ZNF608: variants seen among roughly 807,000 people sequenced by gnomAD.
ZNF608 encodes the protein zinc finger protein 608.
A neutral mutation model predicts 109.0 loss-of-function variants in ZNF608; 12 were observed. The observed-to-expected ratio is 0.11, with a 90% CI of 0.07 to 0.18. The LOEUF (loss-of-function observed/expected upper bound fraction) is 0.18, where lower values mean the gene tolerates loss of function less well. ZNF608 is among the 10% of genes least tolerant of loss of function. ZNF608 has a pLI of 1.00. For missense variants in ZNF608, 1,707 were observed against 1,879.3 expected (o/e 0.91, Z 1.70); for synonymous variants, 732 against 717.4 (o/e 1.02, Z -0.33).
intron 3 of ZNF608, among the ~76,000 whole-genome samples, chr5:124,694,839 C>A (rs1028355844): frequency 6.6e-6 from 1 of 151,484 alleles, no homozygotes; most frequent in Non-Finnish European, 1.5e-5. Flanking sequence ...TCTGTCCTTG[C>A]GACAGTTTGC....
At chr5:124,659,343 T>A (rs1244767509) in intron 3 of ZNF608, among the ~76,000 whole-genome samples, 2 of 152,122 alleles carry the variant, frequency 1.3e-5, no homozygotes, top group African/African-American at 4.8e-5. Context: ...TAGAAGGGTG[T>A]AAAATGCTCT....
At chr5:124,694,240 G>A (rs977144962) in intron 3 of ZNF608, among the ~76,000 whole-genome samples, 11 of 137,454 alleles carry the variant, frequency 8.0e-5, no homozygotes, top group South Asian at 2.4e-4. Context: ...TGATCCGCCC[G>A]CCTCGGCCTC....
chr5:124,643,930 G>A (rs950177541), intron 6 of ZNF608, among the ~76,000 whole-genome samples: 2 of 152,118 alleles, frequency 1.3e-5, no homozygotes, highest in Admixed American at 6.5e-5. Context: ...TTACGTGTCC[G>A]CTTAAGTGAA....
In ZNF608 at chr5:124,646,858, T is replaced by G. The variant is rs1750531481; in HGVS notation, c.3526A>C (p.Lys1176Gln). The G allele has an allele frequency of 6.2e-7, 1 of 1,614,256 alleles. No homozygotes were observed. The change falls in exon 5 of 10, where the codon AAA (lysine) becomes CAA (glutamine). Residue 1176 changes from lysine to glutamine, a missense_variant. Coordinates refer to ENST00000513986, the MANE Select transcript of ZNF608 (RefSeq NM_020747.3). ...HSKLGPSVPNKTEETGKSQLL... is the reference protein window; with the variant it reads ...HSKLGPSVPNQTEETGKSQLL... ...TGCGATTTACCTGTCTCCTCAGTTT[T>G]ATTAGGCACTGATGGCCCTAGTTTA...
chr5:124,657,567 C>CG (rs911594251), intron 3 of ZNF608, among the ~76,000 whole-genome samples: 10 of 151,986 alleles, frequency 6.6e-5, no homozygotes, highest in African/African-American at 2.2e-4. Flanking sequence ...CCCAGCTACT[C>CG]GGGAGGCGGA....
chr5:124,715,272 A>C lies in ZNF608; in HGVS notation c.907-14003T>G, dbSNP rs112607297. On this transcript the variant is annotated intron_variant, in intron 2 of 9. Transcript: ENST00000513986. Reference sequence around the variant, plus strand: ...CAGCTCATTTACTCTTTAACACACAAAAAAAAATGATGCCACAAAGAAATG... The same window carrying C: ...CAGCTCATTTACTCTTTAACACACACAAAAAAATGATGCCACAAAGAAATG... Among the ~76,000 whole-genome samples, 1,058 of 152,076 alleles carry C rather than the reference A, an allele frequency of 7.0e-3. 5 individuals are homozygous for C. The highest frequency in any genetic ancestry group is 0.015 in the African/African-American group (630 of 41,522).
chr5:124,673,669 A>G (rs909926016), intron 3 of ZNF608, among the ~76,000 whole-genome samples: 1 of 152,176 alleles, frequency 6.6e-6, no homozygotes, highest in Admixed American at 6.6e-5. Context: ...CACAAACCAG[A>G]CAACAGCTCA....
At chr5:124,716,012 G>A (rs868445710) in intron 2 of ZNF608, among the ~76,000 whole-genome samples, 3 of 151,622 alleles carry the variant, frequency 2.0e-5, no homozygotes, top group African/African-American at 7.3e-5. Context: ...GCGTGGTGGC[G>A]GGCACCTGTA....
At chr5:124,743,756 C>T (rs992194405) in intron 2 of ZNF608, among the ~76,000 whole-genome samples, 4 of 152,114 alleles carry the variant, frequency 2.6e-5, no homozygotes, top group African/African-American at 9.7e-5. Context: ...ATTAAAAGCA[C>T]ACGGCAACCT....
upstream of ZNF608, among the ~76,000 whole-genome samples, chr5:124,747,619 C>A (rs1192169973): frequency 5.3e-5 from 8 of 149,664 alleles, no homozygotes; most frequent in South Asian, 1.7e-3. Context: ...CCTGCACACA[C>A]TCCCCCAACC....
At chr5:124,641,824 G>A (rs56981252) in intron 7 of ZNF608, among the ~76,000 whole-genome samples, 57 of 152,200 alleles carry the variant, frequency 3.7e-4, no homozygotes, top group African/African-American at 1.3e-3. Context: ...AGTTTTAAAC[G>A]TGTCTGTATA....
rs1284713351 is a variant in ZNF608 at position 124,646,890 on chromosome 5, T to C, written c.3494A>G (p.Asn1165Ser). 2 of 1,614,042 alleles carry C rather than the reference T, an allele frequency of 1.2e-6. No individual in the cohort carries two copies. Among genetic ancestry groups the C allele is most frequent in the African/African-American group, 2.7e-5 (2 of 74,920 alleles). ...KAPSTPEPNK[N>S]HSKLGPSVPN... Reference sequence around the variant, plus strand: ...CACTGATGGCCCTAGTTTAGAATGGTTTTTGTTAGGCTCCGGAGTAGAGGG... The same window carrying C: ...CACTGATGGCCCTAGTTTAGAATGGCTTTTGTTAGGCTCCGGAGTAGAGGG... Residue 1165 changes from asparagine to serine, a missense_variant, in exon 5 of 10, where the codon AAC becomes AGC. Around this residue, in one of 7 missense-constraint regions of ZNF608, gnomAD observed 1,073 missense variants for 1,133.5 expected, o/e 0.95. Transcript: ENST00000513986.
At chr5:124,652,137 G>A (rs1346548981) in intron 3 of ZNF608, among the ~76,000 whole-genome samples, 1 of 152,174 alleles carries the variant, frequency 6.6e-6, no homozygotes, top group Non-Finnish European at 1.5e-5. Flanking sequence ...GGTTATCTGG[G>A]GCCACAGGTT....
Position 124,647,317 on chromosome 5 carries a change from C to T in ZNF608, c.3067G>A (p.Gly1023Arg), listed in dbSNP as rs1487984472. ...TTGATCTTCATTCCCTGCGTGCTCCCACTATTTCCAGCTGCAGGGGCACCG... is the reference window on the plus strand; with the variant it reads ...TTGATCTTCATTCCCTGCGTGCTCCTACTATTTCCAGCTGCAGGGGCACCG... ...QVGAPAAGNS[G>R]STQGMKIKKE... The change falls in exon 5 of 10, where the codon GGG becomes AGG. Residue 1023 changes from glycine to arginine, a missense_variant. Gly to Arg is a moderately radical substitution (Grantham distance 125). Coordinates refer to ENST00000513986, the MANE Select transcript of ZNF608 (RefSeq NM_020747.3). The T allele has an allele frequency of 1.2e-6, 2 of 1,614,182 alleles. No individual in the cohort carries two copies. The highest frequency in any genetic ancestry group is 1.7e-6 in the Non-Finnish European group (2 of 1,180,038).
rs1750357550 is a variant in ZNF608, at chr5:124,643,698, C to A, written c.4124-15G>T. ...GAGATATGCCCCTGCAGATAAACAA[C>A]AAATGCCACATCAAGTTACAGGCTA... On this transcript the variant is annotated splice_polypyrimidine_tract_variant and intron_variant, in intron 6 of 9. Coordinates refer to ENST00000513986, the MANE Select transcript of ZNF608 (RefSeq NM_020747.3). 1 of 1,612,976 alleles carries A rather than the reference C, an allele frequency of 6.2e-7. No individual in the cohort carries two copies.
intron 2 of ZNF608, among the ~76,000 whole-genome samples, chr5:124,709,120 G>A (rs146149632): frequency 4.5e-5 from 6 of 134,718 alleles, no homozygotes; most frequent in East Asian, 2.3e-4. Context: ...GCAGTGGGCC[G>A]AGACTGCACC....
intron 3 of ZNF608, among the ~76,000 whole-genome samples, chr5:124,694,936 T>C (rs1752787046): frequency 2.0e-5 from 3 of 152,200 alleles, no homozygotes; most frequent in African/African-American, 7.2e-5. Context: ...TCACAGCCAA[T>C]ACAGAGTGGC....
intron 5 of ZNF608, among the ~76,000 whole-genome samples, chr5:124,645,470 A>G (rs1750454703): frequency 6.6e-6 from 1 of 152,086 alleles, no homozygotes; most frequent in African/African-American, 2.4e-5. Flanking sequence ...CTCAGAGAAC[A>G]TGCAAAGTTG....
At chr5:124,666,709 C>CTG (rs10546271) in intron 3 of ZNF608, among the ~76,000 whole-genome samples, 3,022 of 141,002 alleles carry the variant, frequency 0.021, 36 homozygotes, top group East Asian at 0.062. Flanking sequence ...TGGGTTTGCT[C>CTG]TGTGTGTGTG....
Sources: gnomAD v4.1 joint callset for allele counts (sites outside exome capture counted in the v4.1 genomes callset) on GRCh38, gnomAD v4.1.1 for gene constraint, gnomAD v4.1.1 regional missense constraint, MANE v1.5 for transcripts, NCBI Gene and HGNC (gene_info 2026-07-23, HGNC 2026-07-21) for gene names.